Variants in NRXN1 observed in about 807,000 individuals in gnomAD.
NRXN1 encodes neurexin 1.
NRXN1 carries 39 observed loss-of-function variants against 150.9 expected under a neutral mutation model. The ratio of observed to expected loss-of-function variants is 0.26; its 90% CI spans 0.20 to 0.34. The LOEUF (loss-of-function observed/expected upper bound fraction) is 0.34. Among genes scored for constraint, NRXN1 ranks in the 10% least tolerant of loss-of-function variants. The pLI is 1.00. For missense variants in NRXN1, 1,815 were observed against 1,949.9 expected, an observed-to-expected ratio of 0.93 and a Z score of 1.30; for synonymous variants, 924 against 757.0, an observed-to-expected ratio of 1.22 and a Z score of -3.62.
chr2:50,112,979 A>G (rs765350129), intron 18 of NRXN1, among the ~76,000 whole-genome samples: 1 of 152,146 alleles, frequency 6.6e-6, no homozygotes, highest in Non-Finnish European at 1.5e-5. Context: ...AACATTTGGA[A>G]TGTGCCTCCC....
rs541503610 is a variant in NRXN1, at chr2:50,887,049, T to TA, written c.832+34819dup. ...GTATTTAATGTATAGTTGTTAGTCT[T>TA]ATTCATCACTTTTAAGAATATATTT... On this transcript the variant is annotated intron_variant, in intron 5 of 22. Coordinates refer to ENST00000401669, the MANE Select transcript of NRXN1 (RefSeq NM_001330078.2). Among the ~76,000 whole-genome samples the TA allele has an allele frequency of 2.0e-5, 3 of 151,562 alleles. No individual in the cohort carries two copies. The South Asian group carries it at 6.2e-4, about 31-fold the overall frequency.
intron 21 of NRXN1, among the ~76,000 whole-genome samples, chr2:49,965,195 C>A (rs777687631): frequency 6.7e-6 from 1 of 150,356 alleles, no homozygotes; most frequent in Non-Finnish European, 1.5e-5. Flanking sequence ...GTTCTAATTA[C>A]GTTTCCTTGT....
intron 15 of NRXN1, among the ~76,000 whole-genome samples, chr2:50,472,823 GTGTGTGTATA>G (rs71649398): frequency 0.26 from 36,146 of 140,118 alleles, 5,140 homozygotes; most frequent in South Asian, 0.36. Flanking sequence ...GTGTGTGTGT[GTGTGTGTATA>G]TATATATATA....
intron 5 of NRXN1, among the ~76,000 whole-genome samples, chr2:50,688,398 C>G (rs1179372431): frequency 6.6e-6 from 1 of 152,138 alleles, no homozygotes; most frequent in Non-Finnish European, 1.5e-5. Flanking sequence ...CTACAGAGCC[C>G]TCCTTATATA....
Position 50,765,210 on chromosome 2 carries a change from C to G in NRXN1, c.833-141595G>C, listed in dbSNP as rs545553105. Among the ~76,000 whole-genome samples the G allele has an allele frequency of 5.3e-5, 8 of 152,100 alleles. No homozygotes were observed. The East Asian group carries it at 1.6e-3, about 30-fold the overall frequency. On this transcript the variant is annotated intron_variant, in intron 5 of 22. Transcript: ENST00000401669. ...AAAACCTTACTTTCCTTCTCCTGTT[C>G]TAGTACGCTTTACCAGATGCTCCTG...
chr2:50,251,345 T>C (rs999979299), intron 17 of NRXN1, among the ~76,000 whole-genome samples: 4 of 143,964 alleles, frequency 2.8e-5, no homozygotes, highest in African/African-American at 1.0e-4. Flanking sequence ...TCCATGTCTC[T>C]GCAGAAGACA....
At chr2:50,914,928 T>C (rs1241744243) in intron 5 of NRXN1, among the ~76,000 whole-genome samples, 2 of 151,388 alleles carry the variant, frequency 1.3e-5, no homozygotes, top group Non-Finnish European at 3.0e-5. Flanking sequence ...CAGGGCAGGG[T>C]AGAGATTTCT....
At chr2:50,404,992 C>CA (rs1351281686) in intron 17 of NRXN1, among the ~76,000 whole-genome samples, 1 of 152,030 alleles carries the variant, frequency 6.6e-6, no homozygotes, top group Admixed American at 6.6e-5. Flanking sequence ...CAGAACAAAT[C>CA]AAAAACACAC....
At chr2:50,459,626 C>T (rs1573059392) in intron 17 of NRXN1, among the ~76,000 whole-genome samples, 1 of 152,194 alleles carries the variant, frequency 6.6e-6, no homozygotes, top group Non-Finnish European at 1.5e-5. Flanking sequence ...TCCATTATCC[C>T]ACAAAAGACA....
intron 17 of NRXN1, among the ~76,000 whole-genome samples, chr2:50,353,691 T>C (rs929861706): frequency 6.6e-6 from 1 of 152,180 alleles, no homozygotes; most frequent in African/African-American, 2.4e-5. Context: ...AGGTACTTTA[T>C]GCCAAAGACA....
At chr2:50,741,736 G>A (rs534184880) in intron 5 of NRXN1, among the ~76,000 whole-genome samples, 1 of 152,088 alleles carries the variant, frequency 6.6e-6, no homozygotes, top group South Asian at 2.1e-4. Flanking sequence ...TTTCCACACA[G>A]CACCTTAATG....
At chr2:50,415,852 T>C (rs1402233080) in intron 17 of NRXN1, among the ~76,000 whole-genome samples, 1 of 148,248 alleles carries the variant, frequency 6.7e-6, no homozygotes, top group Non-Finnish European at 1.5e-5. Context: ...CAGAAAAAAA[T>C]AGACAAACTC....
chr2:50,790,922 T>C (rs1363999589), intron 5 of NRXN1, among the ~76,000 whole-genome samples: 1 of 152,078 alleles, frequency 6.6e-6, no homozygotes, highest in African/African-American at 2.4e-5. Flanking sequence ...AAGTGGGTGC[T>C]CAAATCTTTG....
chr2:50,533,596 C>T (rs768271681), intron 10 of NRXN1, among the ~76,000 whole-genome samples: 17 of 152,102 alleles, frequency 1.1e-4, no homozygotes, highest in Admixed American at 2.0e-4. Context: ...TCAGACTTTG[C>T]TCTCATCTCT....
chr2:50,119,039 A>C (rs1237663215), intron 18 of NRXN1, among the ~76,000 whole-genome samples: 1 of 151,448 alleles, frequency 6.6e-6, no homozygotes, highest in African/African-American at 2.4e-5. Context: ...TACATTGGCC[A>C]GTAGACTAGA....
intron 17 of NRXN1, among the ~76,000 whole-genome samples, chr2:50,439,492 T>G (rs1181775303): frequency 1.3e-5 from 2 of 152,062 alleles, no homozygotes; most frequent in East Asian, 1.9e-4. Context: ...ACAAAGCAAT[T>G]GGAAAAACAG....
intron 21 of NRXN1, among the ~76,000 whole-genome samples, chr2:49,949,437 C>T (rs1042006055): frequency 6.6e-6 from 1 of 151,876 alleles, no homozygotes; most frequent in Admixed American, 6.6e-5. Context: ...TATTATATCC[C>T]TGCTAAGAAT....
At chr2:50,572,003 A>G (rs1281257355) in intron 8 of NRXN1, among the ~76,000 whole-genome samples, 2 of 152,052 alleles carry the variant, frequency 1.3e-5, no homozygotes, top group Admixed American at 1.3e-4. Context: ...GTCAAGGCCT[A>G]GGAGTAGATG....
rs552781490 is a variant in NRXN1, at chr2:50,062,798, T to G, written c.3719-7754A>C. On this transcript the variant is annotated intron_variant, in intron 19 of 22. Transcript: ENST00000401669. ...TTCTTCACTCTTGTGTAATTTCTCCTCAGAAATAAAAGTGTCAGCATTTGA... is the reference window on the plus strand; with the variant it reads ...TTCTTCACTCTTGTGTAATTTCTCCGCAGAAATAAAAGTGTCAGCATTTGA... Among the ~76,000 whole-genome samples the G allele has an allele frequency of 2.0e-5, 3 of 152,248 alleles. No individual in the cohort carries two copies. The East Asian group carries it at 5.8e-4, about 29-fold the overall frequency.
Sources: gnomAD v4.1 joint callset for allele counts (sites outside exome capture counted in the v4.1 genomes callset) on GRCh38, gnomAD v4.1.1 for gene constraint, MANE v1.5 for transcripts, NCBI Gene and HGNC (gene_info 2026-07-23, HGNC 2026-07-21) for gene names.